THAP7: variants seen among roughly 807,000 people sequenced by gnomAD.
THAP7 encodes the protein THAP domain-containing protein 7.
THAP7 carries 22 observed loss-of-function variants against 29.2 expected under a neutral mutation model. That is an observed-to-expected ratio of 0.75 (90% CI 0.54 to 1.08). The LOEUF (loss-of-function observed/expected upper bound fraction) is 1.08, where lower values mean the gene tolerates loss of function less well. THAP7 is among the 50% of genes least tolerant of loss of function. THAP7 has a pLI of 0.00. For missense variants in THAP7, 448 were observed against 416.2 expected, an observed-to-expected ratio of 1.08 and a Z score of -0.66; for synonymous variants, 208 against 173.4, an observed-to-expected ratio of 1.20 and a Z score of -1.57.
intron 1 of THAP7, chr22:21,001,628 G>C: frequency 1.1e-6 from 1 of 887,166 alleles, no homozygotes; most frequent in Non-Finnish European, 1.7e-6. Flanking sequence ...TAACAGAGTG[G>C]GGCGGGTCCA....
chr22:21,001,531 CCGCCG>C, intron 1 of THAP7, 120 bp from the exon 2 acceptor site: 1 of 1,444,326 alleles, frequency 6.9e-7, no homozygotes, highest in East Asian at 2.3e-5. Flanking sequence ...CCCTGCGACC[CCGCCG>C]GGTAAGCACC....
chr22:21,001,264 C>A lies in THAP7; in HGVS notation c.228G>T (p.Val76=), dbSNP rs527756160. 7.4e-6 allele frequency: 12 copies of A among 1,613,502 alleles called. No homozygotes were observed. In the East Asian group the frequency reaches 2.7e-4, roughly 36 times the overall value. ...CCGGCAGGGAGGCCCACCTGATTCC[C>A]ACCAGCTCAAAGCAGTCCTCCTCAA... The part of the protein sequence containing the change: ...KHFEEDCFEL[V]GISGYHRLKE... Residue 76 remains valine, a synonymous_variant, in exon 2 of 4, where the codon GTG becomes GTT. Transcript: ENST00000215742.
chr22:20,999,961 C>T lies in THAP7; in HGVS notation c.849G>A (p.Lys283=). 1 of 1,612,764 alleles carries T rather than the reference C, an allele frequency of 6.2e-7. No individual in the cohort carries two copies. The highest frequency in any genetic ancestry group is 8.5e-7 in the Non-Finnish European group (1 of 1,179,982). Reference sequence around the variant, plus strand: ...TCTGGCGGGCATCTGCCTGTGCCCGCTTCTCCCGTGCCCGCTCCTGCTGCA... The same window carrying T: ...TCTGGCGGGCATCTGCCTGTGCCCGTTTCTCCCGTGCCCGCTCCTGCTGCA... ...TKLQQERARE[K]RAQADARQTL... Residue 283 remains lysine, a synonymous_variant, in exon 4 of 4, where the codon AAG becomes AAA. Coordinates refer to ENST00000215742, the MANE Select transcript of THAP7 (RefSeq NM_030573.3).
At chr22:21,001,507 C>T in intron 1 of THAP7, 96 bp from the exon 2 acceptor site, 1 of 1,503,530 alleles carries the variant, frequency 6.7e-7, no homozygotes, top group Non-Finnish European at 8.9e-7. Context: ...CCAACACGCG[C>T]CGCCACGAGA....
In THAP7 at chr22:21,000,784, T is replaced by C. The variant is rs1312526189; in HGVS notation, c.240A>G (p.Gly80=). ...CTGCCCCCTCCTTTAGCCTGTGATATCCACTGCGGGGAAAAGCAACCCAGA... is the reference window on the plus strand; with the variant it reads ...CTGCCCCCTCCTTTAGCCTGTGATACCCACTGCGGGGAAAAGCAACCCAGA... ...EDCFELVGIS[G]YHRLKEGAVP... The change falls in exon 3 of 4, where the codon GGA becomes GGG. Residue 80 remains glycine (G), a synonymous_variant. Transcript: ENST00000215742. 1 of 1,614,134 alleles carries C rather than the reference T, an allele frequency of 6.2e-7. No individual in the cohort carries two copies. Among genetic ancestry groups the C allele is most frequent in the South Asian group, 1.1e-5 (1 of 91,088 alleles).
rs1388153009 is a variant in THAP7, at chr22:21,000,237, G to A, written c.573C>T (p.Cys191=). 1 of 1,557,506 alleles carries A rather than the reference G, an allele frequency of 6.4e-7. No homozygotes were observed. Among genetic ancestry groups the A allele is most frequent in the South Asian group, 1.2e-5 (1 of 84,956 alleles). ...GCCGCTCTGGTGAAGGCTGGGCGCT[G>A]CAGCCTGCTTCATCTGCCTGGGCAC... ...PLGAQADEAG[C]SAQPSPERQP... The change falls in exon 4 of 4, where the codon TGC becomes TGT. Residue 191 remains cysteine (C), a synonymous_variant. Coordinates refer to ENST00000215742, the MANE Select transcript of THAP7 (RefSeq NM_030573.3).
intron 2 of THAP7, 147 bp downstream of exon 2, chr22:21,001,109 T>TG: frequency 8.4e-7 from 1 of 1,197,026 alleles, no homozygotes; most frequent in East Asian, 2.4e-5. Context: ...ACAGTGATCC[T>TG]GGGGGTGGGT....
Position 21,002,097 on chromosome 22 carries a change from T to G in THAP7, c.-186A>C, listed in dbSNP as rs1054163986. On this transcript the variant is annotated 5_prime_UTR_variant, in exon 1 of 4. Coordinates refer to ENST00000215742, the MANE Select transcript of THAP7 (RefSeq NM_030573.3). ...TCAGCGGCACTCACGCTCTGGCCAT[T>G]GCTGCGCCGCCGAAGTCTCGCGAGG... is the stretch of plus-strand genomic sequence containing the variant. 103 of 586,232 alleles carry G rather than the reference T, an allele frequency of 1.8e-4. No homozygotes were observed. The highest frequency in any genetic ancestry group is 2.8e-4 in the Non-Finnish European group (98 of 347,522). 36.3% of individuals were successfully genotyped at this position (586,232 alleles called of 1,614,324 possible).
chr22:21,001,690 G>T, intron 1 of THAP7, 142 bp downstream of exon 1: 1 of 1,038,116 alleles, frequency 9.6e-7, no homozygotes, highest in Non-Finnish European at 1.4e-6. Context: ...AGTCCCGCCG[G>T]GACCGTTCCG....
rs1925034236 is a variant in THAP7, at chr22:20,999,758, C to T, written c.*122G>A. 8.2e-7 allele frequency: 1 copy of T among 1,224,258 alleles called. No individual in the cohort carries two copies. The highest frequency in any genetic ancestry group is 1.1e-6 in the Non-Finnish European group (1 of 901,394). 75.8% of individuals were successfully genotyped at this position (1,224,258 alleles called of 1,614,324 possible). On this transcript the variant is annotated 3_prime_UTR_variant, in exon 4 of 4. Coordinates refer to ENST00000215742, the MANE Select transcript of THAP7 (RefSeq NM_030573.3). ...AGAGGGGCTCCAGCCCCCAGCTGAG[C>T]CAGACAGCAGGCCCTCCGTCTAGAA...
At chr22:21,001,712 A>G in intron 1 of THAP7, 120 bp downstream of exon 1, 1 of 1,143,724 alleles carries the variant, frequency 8.7e-7, no homozygotes. Flanking sequence ...TTCACCTCCC[A>G]CCCACAGGTT....
intron 2 of THAP7, 127 bp downstream of exon 2, chr22:21,001,129 C>A: frequency 7.2e-7 from 1 of 1,390,138 alleles, no homozygotes; most frequent in South Asian, 1.3e-5. Flanking sequence ...TTTCACTGTG[C>A]AGAGCTGGGA....
intron 2 of THAP7, 26 bp downstream of exon 2, chr22:21,001,230 C>A (rs916496761): frequency 4.4e-6 from 7 of 1,608,406 alleles, no homozygotes; most frequent in Non-Finnish European, 6.0e-6. Context: ...CATCCTACCC[C>A]AGCGTCGGCC....
intron 2 of THAP7, 165 bp from the exon 3 acceptor site, chr22:21,000,952 C>T (rs895091553): frequency 1.8e-6 from 2 of 1,114,400 alleles, no homozygotes; most frequent in Non-Finnish European, 2.5e-6. Context: ...CAGGACTCCT[C>T]ACAGTCCAGG....
At position 21,000,064 on chromosome 22, in the gene THAP7, T is replaced by C. The variant is rs747696489; in HGVS notation, c.746A>G (p.Asp249Gly). ...CTGGCGCTGGGCCTTGTCAAGGGCATCAAGGGCTGCCTCGGCTCGCCGCTT... is the reference window on the plus strand; with the variant it reads ...CTGGCGCTGGGCCTTGTCAAGGGCACCAAGGGCTGCCTCGGCTCGCCGCTT... Reference protein sequence around the residue: ...LWKRRAEAALDALDKAQRQLQ... With the variant: ...LWKRRAEAALGALDKAQRQLQ... Residue 249 changes from aspartate to glycine, a missense_variant, in exon 4 of 4, where the codon GAT becomes GGT. Coordinates refer to ENST00000215742, the MANE Select transcript of THAP7 (RefSeq NM_030573.3). 1.6e-5 allele frequency: 26 copies of C among 1,613,006 alleles called. No individual in the cohort carries two copies. The highest frequency in any genetic ancestry group is 2.1e-5 in the Non-Finnish European group (25 of 1,179,948).
chr22:21,000,300 G>T lies in THAP7; in HGVS notation c.510C>A (p.Gly170=). 6.4e-7 allele frequency: 1 copy of T among 1,556,546 alleles called. No individual in the cohort carries two copies. The highest frequency in any genetic ancestry group is 2.4e-5 in the East Asian group (1 of 41,834). ...PASPAGRLEP[G]LSSPFSDLLG... ...GTAGGTCTGAAAAGGGGCTGCTAAG[G>T]CCAGGCTCCAGCCTCCCAGCTGGGG... Residue 170 remains glycine (G), a synonymous_variant, in exon 4 of 4, where the codon GGC becomes GGA. Coordinates refer to ENST00000215742, the MANE Select transcript of THAP7 (RefSeq NM_030573.3).
intron 1 of THAP7, 126 bp downstream of exon 1, chr22:21,001,706 C>G: frequency 8.9e-7 from 1 of 1,122,532 alleles, no homozygotes; most frequent in Non-Finnish European, 1.2e-6. Flanking sequence ...TTCCGCTTCA[C>G]CTCCCACCCA....
chr22:21,001,036 C>T (rs1482261072), intron 2 of THAP7: 9 of 855,776 alleles, frequency 1.1e-5, no homozygotes, highest in Non-Finnish European at 1.6e-5. Flanking sequence ...GACTTGCTGG[C>T]AAGACTGGGG....
rs898641077 is a variant in THAP7 at position 21,000,161 on chromosome 22, G to A, written c.649C>T (p.Arg217Cys). The change falls in exon 4 of 4, where the codon CGC (arginine) becomes TGC (cysteine). Residue 217 changes from arginine (R) to cysteine (C), a missense_variant. Coordinates refer to ENST00000215742, the MANE Select transcript of THAP7 (RefSeq NM_030573.3). Reference protein sequence around the residue: ...RPVSPSAYMLRLPPPAGAYIQ... With the variant: ...RPVSPSAYMLCLPPPAGAYIQ... ...TAGGCTCCGGCGGGTGGGGGCAGGC[G>A]CAGCATATACGCTGAGGGGGAGACT... 3 of 1,583,770 alleles carry A rather than the reference G, an allele frequency of 1.9e-6. No homozygotes were observed. The highest frequency in any genetic ancestry group is 1.1e-5 in the South Asian group (1 of 88,196).
Sources: allele counts gnomAD v4.1 joint callset, GRCh38; gene constraint gnomAD v4.1.1; transcripts MANE v1.5; gene names NCBI Gene and HGNC (gene_info 2026-07-23, HGNC 2026-07-21).